The following NKAIN2 variants were observed in gnomAD, a reference collection of about 807,000 sequenced individuals.
NKAIN2 encodes sodium/potassium transporting ATPase interacting 2, also known as sodium/potassium-transporting ATPase subunit beta-1-interacting protein 2.
NKAIN2 carries 14 observed loss-of-function variants against 32.6 expected under a neutral mutation model. The observed-to-expected ratio is 0.43, with a 90% CI of 0.28 to 0.67. The LOEUF is 0.67. NKAIN2 is among the 30% of genes least tolerant of loss of function. NKAIN2 has a pLI of 0.17. For synonymous variants in NKAIN2, 80 were observed against 87.2 expected (o/e 0.92, Z 0.46); for missense variants, 198 against 258.3 (o/e 0.77, Z 1.60).
intron 4 of NKAIN2, among the ~76,000 whole-genome samples, chr6:124,668,688 A>G (rs1229930988): frequency 6.6e-6 from 1 of 152,164 alleles, no homozygotes; most frequent in East Asian, 1.9e-4. Flanking sequence ...CTGAAATTAT[A>G]CTGTGAGGTA....
At chr6:124,126,169 A>C (rs1333015126) in intron 1 of NKAIN2, among the ~76,000 whole-genome samples, 1 of 151,984 alleles carries the variant, frequency 6.6e-6, no homozygotes, top group Non-Finnish European at 1.5e-5. Context: ...AAATTGCCTA[A>C]TTTCCACCCA....
chr6:124,417,078 A>G (rs557167696), intron 3 of NKAIN2, among the ~76,000 whole-genome samples: 17 of 152,358 alleles, frequency 1.1e-4, no homozygotes, highest in African/African-American at 3.1e-4. Context: ...ATCACTTAGC[A>G]TATTAAGAAT....
At chr6:124,052,006 C>T (rs1782428327) in intron 1 of NKAIN2, among the ~76,000 whole-genome samples, 1 of 152,004 alleles carries the variant, frequency 6.6e-6, no homozygotes, top group African/African-American at 2.4e-5. Flanking sequence ...GACTCCTGGA[C>T]TAGGTGGTAG....
intron 3 of NKAIN2, among the ~76,000 whole-genome samples, chr6:124,509,427 A>G (rs749047668): frequency 1.7e-4 from 26 of 152,202 alleles, no homozygotes; most frequent in Non-Finnish European, 2.9e-4. Flanking sequence ...TTGTTCTTCT[A>G]TCAGTATTAG....
chr6:124,762,766 A>G (rs1056477379), intron 4 of NKAIN2, among the ~76,000 whole-genome samples: 1 of 152,208 alleles, frequency 6.6e-6, no homozygotes, highest in African/African-American at 2.4e-5. Context: ...GACTCATTAA[A>G]GAATAGAGAA....
At chr6:123,867,845 A>C (rs1470237053) in intron 1 of NKAIN2, among the ~76,000 whole-genome samples, 2 of 148,174 alleles carry the variant, frequency 1.3e-5, no homozygotes, top group Non-Finnish European at 3.0e-5. Context: ...TCAATTATTC[A>C]CTGTTGTACT....
At chr6:124,205,406 T>C (rs556407874) in intron 1 of NKAIN2, among the ~76,000 whole-genome samples, 8 of 151,882 alleles carry the variant, frequency 5.3e-5, no homozygotes, top group South Asian at 2.1e-4. Context: ...AAAAGTCTTA[T>C]ATAATGTGTC....
chr6:123,903,180 T>A (rs1774688961), intron 1 of NKAIN2, among the ~76,000 whole-genome samples: 3 of 152,256 alleles, frequency 2.0e-5, no homozygotes. Context: ...ACGATGCAGC[T>A]GATGTCTGTC....
intron 5 of NKAIN2, among the ~76,000 whole-genome samples, chr6:124,800,741 A>C (rs1367181088): frequency 6.6e-6 from 1 of 152,186 alleles, no homozygotes; most frequent in African/African-American, 2.4e-5. Flanking sequence ...TTAGGGCCAA[A>C]GTGGGAATTT....
intron 1 of NKAIN2, among the ~76,000 whole-genome samples, chr6:124,020,274 A>T (rs957779317): frequency 6.6e-6 from 1 of 152,264 alleles, no homozygotes; most frequent in South Asian, 2.1e-4. Context: ...AAATTAATGG[A>T]TATCACATCA....
chr6:124,203,251 T>C (rs1790679682), intron 1 of NKAIN2, among the ~76,000 whole-genome samples: 1 of 151,826 alleles, frequency 6.6e-6, no homozygotes, highest in Admixed American at 6.6e-5. Flanking sequence ...TTCCACCCAC[T>C]AGATTATCAG....
intron 1 of NKAIN2, among the ~76,000 whole-genome samples, chr6:124,195,153 CT>C (rs1402053845): frequency 6.6e-6 from 1 of 151,272 alleles, no homozygotes. Flanking sequence ...TTTGAATAGC[CT>C]TTTTTATTGT....
At chr6:123,808,548 ACTT>A in intron 1 of NKAIN2, among the ~76,000 whole-genome samples, 1 of 152,278 alleles carries the variant, frequency 6.6e-6, no homozygotes, top group South Asian at 2.1e-4. Context: ...ATACCTAGAA[ACTT>A]CTTCCAGTGT....
chr6:124,589,313 A>G (rs1254833295), intron 3 of NKAIN2, among the ~76,000 whole-genome samples: 2 of 152,218 alleles, frequency 1.3e-5, no homozygotes, highest in Admixed American at 1.3e-4. Flanking sequence ...TTTCCAGATA[A>G]CTGAAGTATA....
chr6:124,807,904 G>A (rs541764190), intron 5 of NKAIN2, among the ~76,000 whole-genome samples: 25 of 150,340 alleles, frequency 1.7e-4, no homozygotes, highest in South Asian at 4.4e-4. Context: ...TGAATTCCTC[G>A]ACACATACAC....
intron 2 of NKAIN2, among the ~76,000 whole-genome samples, chr6:124,315,501 A>T (rs949661001): frequency 3.3e-5 from 5 of 152,182 alleles, no homozygotes; most frequent in African/African-American, 9.6e-5. Context: ...CATGTGTAAA[A>T]TTATTCATGG....
chr6:124,294,188 C>G (rs1316270187), intron 2 of NKAIN2, among the ~76,000 whole-genome samples: 3 of 152,060 alleles, frequency 2.0e-5, no homozygotes, highest in Non-Finnish European at 4.4e-5. Context: ...AGAAGGGGAA[C>G]TGGGAGCATG....
At chr6:124,008,091 G>A (rs747288620) in intron 1 of NKAIN2, among the ~76,000 whole-genome samples, 6 of 152,134 alleles carry the variant, frequency 3.9e-5, no homozygotes, top group Non-Finnish European at 8.8e-5. Context: ...TGACCGAGGA[G>A]GAGTCAGGCC....
intron 2 of NKAIN2, among the ~76,000 whole-genome samples, chr6:124,290,472 C>T (rs1313552276): frequency 6.8e-6 from 1 of 147,788 alleles, no homozygotes; most frequent in Non-Finnish European, 1.5e-5. Flanking sequence ...TCCAGCTGTT[C>T]CTCATCTCTT....
Sources: allele counts gnomAD v4.1 joint callset (sites outside exome capture counted in the v4.1 genomes callset), GRCh38; gene constraint gnomAD v4.1.1; transcripts MANE v1.5; gene names NCBI Gene and HGNC (gene_info 2026-07-23, HGNC 2026-07-21).